Variants in GYPC observed in about 807,000 individuals in gnomAD.
GYPC encodes glycophorin-C.
In GYPC, 14 loss-of-function variants were observed where a neutral mutation model predicts 12.6. The observed-to-expected ratio is 1.11, with a 90% CI of 0.74 to 1.74. The LOEUF is 1.74. GYPC is among the 40% of genes most tolerant of loss of function. The pLI is 0.00. For missense variants in GYPC, 225 were observed against 172.1 expected, an observed-to-expected ratio of 1.31 and a Z score of -1.72; for synonymous variants, 78 against 62.1, an observed-to-expected ratio of 1.26 and a Z score of -1.20.
At chr2:126,684,796 G>C (rs1342750970) in intron 1 of GYPC, among the ~76,000 whole-genome samples, 1 of 152,190 alleles carries the variant, frequency 6.6e-6, no homozygotes, top group Non-Finnish European at 1.5e-5. Flanking sequence ...CTGGGGCTCA[G>C]TCTCACAGTT....
chr2:126,666,208 G>A (rs1682673076), intron 1 of GYPC, among the ~76,000 whole-genome samples: 1 of 152,172 alleles, frequency 6.6e-6, no homozygotes, highest in Non-Finnish European at 1.5e-5. Flanking sequence ...TTCCCCCGGG[G>A]AAGGAGTGGG....
chr2:126,691,835 A>C (rs1683475321), intron 2 of GYPC, among the ~76,000 whole-genome samples: 1 of 152,206 alleles, frequency 6.6e-6, no homozygotes, highest in African/African-American at 2.4e-5. Flanking sequence ...AAACTGTCCT[A>C]ATAAATGCTG....
At chr2:126,667,631 G>A (rs576946585) in intron 1 of GYPC, among the ~76,000 whole-genome samples, 232 of 151,916 alleles carry the variant, frequency 1.5e-3, no homozygotes, top group African/African-American at 5.5e-3. Flanking sequence ...TCAAACTCCC[G>A]ACCTCAGGTG....
chr2:126,670,312 G>C (rs1461548047), intron 1 of GYPC, among the ~76,000 whole-genome samples: 1 of 152,216 alleles, frequency 6.6e-6, no homozygotes, highest in Non-Finnish European at 1.5e-5. Context: ...GCTCAGGATT[G>C]CCTGGAGAAG....
intron 2 of GYPC, among the ~76,000 whole-genome samples, chr2:126,692,059 T>C (rs1486854782): frequency 6.6e-6 from 1 of 152,198 alleles, no homozygotes; most frequent in African/African-American, 2.4e-5. Context: ...TACTATGTGC[T>C]AGATACTAAA....
intron 1 of GYPC, among the ~76,000 whole-genome samples, chr2:126,684,484 C>A (rs1300599190): frequency 6.6e-6 from 1 of 152,136 alleles, no homozygotes. Flanking sequence ...CACCACCATG[C>A]CCACTACCAC....
chr2:126,690,998 C>T (rs1683446712), intron 2 of GYPC, among the ~76,000 whole-genome samples: 2 of 152,042 alleles, frequency 1.3e-5, no homozygotes, highest in South Asian at 2.1e-4. Flanking sequence ...ACCTGTTGGA[C>T]TCTGTGTAAC....
intron 1 of GYPC, among the ~76,000 whole-genome samples, chr2:126,683,349 G>A (rs778824921): frequency 1.3e-5 from 2 of 152,010 alleles, no homozygotes; most frequent in African/African-American, 2.4e-5. Context: ...CTGCTTTCCT[G>A]ATAAACTACA....
At chr2:126,691,018 T>C (rs1338625902) in intron 2 of GYPC, among the ~76,000 whole-genome samples, 1 of 152,042 alleles carries the variant, frequency 6.6e-6, no homozygotes, top group Non-Finnish European at 1.5e-5. Flanking sequence ...CCTGGCATTC[T>C]CCAACTCATT....
chr2:126,690,673 T>A (rs1312008692), intron 2 of GYPC, among the ~76,000 whole-genome samples: 1 of 152,166 alleles, frequency 6.6e-6, no homozygotes, highest in Non-Finnish European at 1.5e-5. Context: ...GAGGGTAGAC[T>A]GACCAGGCTA....
chr2:126,687,042 G>T (rs1473686995), intron 1 of GYPC, among the ~76,000 whole-genome samples: 1 of 152,136 alleles, frequency 6.6e-6, no homozygotes, highest in Non-Finnish European at 1.5e-5. Context: ...TGATATCACT[G>T]CTGCTAGCTG....
intron 1 of GYPC, among the ~76,000 whole-genome samples, chr2:126,687,980 A>AAATGAT (rs1683339331): frequency 6.6e-6 from 1 of 152,248 alleles, no homozygotes. Context: ...CCAGGGCTTC[A>AAATGAT]AATGATTGAC....
chr2:126,677,184 T>C (rs943865066), intron 1 of GYPC, among the ~76,000 whole-genome samples: 1 of 152,002 alleles, frequency 6.6e-6, no homozygotes, highest in Non-Finnish European at 1.5e-5. Flanking sequence ...GAGAGGAATG[T>C]GCATGAGAGT....
At chr2:126,695,576 T>C (rs1375670512) in intron 3 of GYPC, among the ~76,000 whole-genome samples, 1 of 152,162 alleles carries the variant, frequency 6.6e-6, no homozygotes, top group Non-Finnish European at 1.5e-5. Flanking sequence ...AACGGTACTT[T>C]GAATTTTGAA....
At chr2:126,682,480 C>G (rs752777447) in intron 1 of GYPC, among the ~76,000 whole-genome samples, 1 of 152,120 alleles carries the variant, frequency 6.6e-6, no homozygotes, top group African/African-American at 2.4e-5. Context: ...CCACTGTGCC[C>G]GGTCCTCATC....
chr2:126,662,701 T>A (rs1257043609), intron 1 of GYPC, among the ~76,000 whole-genome samples: 1 of 152,212 alleles, frequency 6.6e-6, no homozygotes, highest in East Asian at 1.9e-4. Flanking sequence ...CTACGGCTAG[T>A]CCTGAACCTG....
intron 1 of GYPC, among the ~76,000 whole-genome samples, chr2:126,660,112 C>T (rs1269561688): frequency 6.6e-6 from 1 of 152,336 alleles, no homozygotes; most frequent in East Asian, 1.9e-4. Flanking sequence ...GAGAGAGTTG[C>T]AGGGTATGTG....
chr2:126,685,573 T>C (rs1460609888), intron 1 of GYPC, among the ~76,000 whole-genome samples: 2 of 152,090 alleles, frequency 1.3e-5, no homozygotes, highest in Non-Finnish European at 2.9e-5. Flanking sequence ...TTAGTAGAGA[T>C]GGAATTTCAC....
At chr2:126,671,967 G>C (rs1040813508) in intron 1 of GYPC, among the ~76,000 whole-genome samples, 1 of 152,182 alleles carries the variant, frequency 6.6e-6, no homozygotes, top group African/African-American at 2.4e-5. Context: ...CCAGACATGG[G>C]GCCATCTGAG....
Sources: allele counts gnomAD v4.1 joint callset (sites outside exome capture counted in the v4.1 genomes callset), GRCh38; gene constraint gnomAD v4.1.1; transcripts MANE v1.5; gene names NCBI Gene and HGNC (gene_info 2026-07-23, HGNC 2026-07-21).